The following MAML3 variants were observed in gnomAD, a reference collection of about 807,000 sequenced individuals.
MAML3 encodes mastermind-like protein 3.
Under a neutral mutation model 101.9 loss-of-function variants are expected in MAML3, and 27 were observed. That is an observed-to-expected ratio of 0.27 (90% confidence interval 0.20 to 0.37). The LOEUF (loss-of-function observed/expected upper bound fraction) is 0.37. Ranked by LOEUF, MAML3 falls within the 10% of genes least tolerant of loss-of-function variation. The probability of loss-of-function intolerance (pLI) is 1.00; values close to 1 mark genes in which losing one functional copy is unlikely to be tolerated. For synonymous variants in MAML3, 501 were observed against 555.9 expected (o/e 0.90, Z 1.39); for missense variants, 1,316 against 1,444.9 (o/e 0.91, Z 1.45).
At chr4:139,909,134 C>T (rs935068738) in intron 1 of MAML3, among the ~76,000 whole-genome samples, 11 of 152,156 alleles carry the variant, frequency 7.2e-5, no homozygotes, top group Admixed American at 3.3e-4. Flanking sequence ...GAACCAGTTT[C>T]GTGACTCTGA....
chr4:139,956,223 G>A lies in MAML3; in HGVS notation c.469-65256C>T, dbSNP rs181577962. Among the ~76,000 whole-genome samples the A allele has an allele frequency of 2.4e-4, 37 of 152,296 alleles. No individual in the cohort carries two copies. In the East Asian group the frequency reaches 4.6e-3, roughly 19 times the overall value. ...ATTCACGGATATGAGAGGATCAAAT[G>A]AGTTTTTCTGGAAGTGTTTTGAAAT... is the stretch of plus-strand genomic sequence containing the variant. On this transcript the variant is annotated intron_variant, in intron 1 of 4. Coordinates refer to ENST00000509479, the MANE Select transcript of MAML3 (RefSeq NM_018717.5).
At chr4:139,925,374 C>T (rs182175201) in intron 1 of MAML3, among the ~76,000 whole-genome samples, 4 of 152,226 alleles carry the variant, frequency 2.6e-5, no homozygotes, top group Non-Finnish European at 4.4e-5. Context: ...AGATTACAGG[C>T]GCCCGCTACC....
chr4:139,792,048 G>A (rs1352647011), intron 2 of MAML3, among the ~76,000 whole-genome samples: 2 of 152,184 alleles, frequency 1.3e-5, no homozygotes, highest in South Asian at 2.1e-4. Context: ...TATTAATGCA[G>A]ACAGCGCTAC....
At chr4:139,850,590 G>A (rs1731530371) in intron 2 of MAML3, among the ~76,000 whole-genome samples, 1 of 151,826 alleles carries the variant, frequency 6.6e-6, no homozygotes, top group South Asian at 2.1e-4. Flanking sequence ...CTGGAGTGCA[G>A]TGGCACAATC....
intron 1 of MAML3, among the ~76,000 whole-genome samples, chr4:139,915,333 A>G (rs1357828682): frequency 6.6e-6 from 1 of 152,224 alleles, no homozygotes; most frequent in African/African-American, 2.4e-5. Flanking sequence ...AAATTATCCA[A>G]GTTAATTTCC....
chr4:140,011,253 TGACA>T (rs1295735175), intron 1 of MAML3, among the ~76,000 whole-genome samples: 2 of 143,776 alleles, frequency 1.4e-5, no homozygotes, highest in Non-Finnish European at 3.0e-5. Context: ...TATATATATA[TGACA>T]AACAGACCCA....
intron 1 of MAML3, among the ~76,000 whole-genome samples, chr4:139,974,230 C>T (rs765225738): frequency 4.0e-5 from 6 of 151,766 alleles, no homozygotes; most frequent in Admixed American, 2.0e-4. Flanking sequence ...CTCAGCCTCC[C>T]GAGTAGCTGG....
intron 1 of MAML3, among the ~76,000 whole-genome samples, chr4:139,946,903 ACACACACACACACACACACACACTCTCT>A (rs1392126775): frequency 8.4e-6 from 1 of 118,628 alleles, no homozygotes; most frequent in Non-Finnish European, 1.8e-5. Context: ...ACACACACAC[ACACACACACACACACACACACACTCTCT>A]CTCTCTCTCT....
At chr4:140,072,044 T>TCC (rs1727665856) in intron 1 of MAML3, among the ~76,000 whole-genome samples, 1 of 152,114 alleles carries the variant, frequency 6.6e-6, no homozygotes, top group African/African-American at 2.4e-5. Context: ...ACCTCAACAT[T>TCC]GGTTTGTCAC....
At chr4:139,880,229 T>C (rs1044161826) in intron 2 of MAML3, among the ~76,000 whole-genome samples, 1 of 152,154 alleles carries the variant, frequency 6.6e-6, no homozygotes, top group Non-Finnish European at 1.5e-5. Context: ...AGCTCATTCC[T>C]TTCCTAAAAT....
At chr4:139,848,542 G>A (rs1282469057) in intron 2 of MAML3, among the ~76,000 whole-genome samples, 1 of 152,052 alleles carries the variant, frequency 6.6e-6, no homozygotes, top group Non-Finnish European at 1.5e-5. Flanking sequence ...TGTGAATTTT[G>A]GTGATTTTAA....
chr4:140,051,282 C>A (rs1241061376), intron 1 of MAML3, among the ~76,000 whole-genome samples: 2 of 152,170 alleles, frequency 1.3e-5, no homozygotes, highest in East Asian at 3.9e-4. Context: ...AGGCCAGTCA[C>A]AATGGCTCAT....
chr4:139,778,930 C>T (rs547948542), intron 2 of MAML3, among the ~76,000 whole-genome samples: 2 of 149,986 alleles, frequency 1.3e-5, no homozygotes, highest in Non-Finnish European at 3.0e-5. Flanking sequence ...TTGCAGTGAG[C>T]CGAGATGGCG....
intron 1 of MAML3, among the ~76,000 whole-genome samples, chr4:140,116,456 C>G (rs1355706999): frequency 6.6e-6 from 1 of 152,168 alleles, no homozygotes; most frequent in African/African-American, 2.4e-5. Flanking sequence ...CACCAGAAAC[C>G]AAGACGGTGT....
intron 1 of MAML3, among the ~76,000 whole-genome samples, chr4:140,113,664 G>A (rs978752668): frequency 6.6e-5 from 10 of 152,086 alleles, no homozygotes; most frequent in African/African-American, 2.2e-4. Context: ...CAAAAGCTTG[G>A]GAGCAACCTG....
chr4:139,900,483 T>A (rs181330530), intron 1 of MAML3, among the ~76,000 whole-genome samples: 43 of 152,332 alleles, frequency 2.8e-4, no homozygotes, highest in African/African-American at 8.9e-4. Flanking sequence ...CAAGATCCCC[T>A]CAAATCTCCA....
intron 1 of MAML3, among the ~76,000 whole-genome samples, chr4:140,110,869 G>T (rs1393487041): frequency 6.6e-6 from 1 of 152,126 alleles, no homozygotes; most frequent in East Asian, 1.9e-4. Context: ...TTTGTGGTTA[G>T]CATAAAATAT....
intron 1 of MAML3, among the ~76,000 whole-genome samples, chr4:140,038,607 T>C (rs1049267160): frequency 6.6e-6 from 1 of 152,210 alleles, no homozygotes; most frequent in Non-Finnish European, 1.5e-5. Context: ...TGCTACTTAC[T>C]ACACGTGTGA....
At chr4:139,723,635 C>T (rs1390329254) in intron 4 of MAML3, among the ~76,000 whole-genome samples, 1 of 151,986 alleles carries the variant, frequency 6.6e-6, no homozygotes, top group African/African-American at 2.4e-5. Flanking sequence ...TTAACTGGAC[C>T]CAAAACATTC....
Sources: gnomAD v4.1 joint callset for allele counts (sites outside exome capture counted in the v4.1 genomes callset) on GRCh38, gnomAD v4.1.1 for gene constraint, MANE v1.5 for transcripts, NCBI Gene and HGNC (gene_info 2026-07-23, HGNC 2026-07-21) for gene names.